DOCK4: variants seen among roughly 807,000 people sequenced by gnomAD.
DOCK4 encodes dedicator of cytokinesis protein 4.
DOCK4 carries 97 observed loss-of-function variants against 268.1 expected under a neutral mutation model. That is an observed-to-expected ratio of 0.36 (90% confidence interval 0.31 to 0.43). DOCK4 has a LOEUF of 0.43. DOCK4 is among the 20% of genes least tolerant of loss of function. The probability of loss-of-function intolerance (pLI) is 1.00; values close to 1 mark genes in which losing one functional copy is unlikely to be tolerated. For synonymous variants in DOCK4, 954 were observed against 887.2 expected (o/e 1.08, Z -1.34); for missense variants, 2,145 against 2,455.7 (o/e 0.87, Z 2.67).
intron 8 of DOCK4, among the ~76,000 whole-genome samples, chr7:111,973,368 A>T (rs1185305857): frequency 6.6e-6 from 1 of 151,956 alleles, no homozygotes; most frequent in African/African-American, 2.4e-5. Context: ...TAATAACACA[A>T]GCATTCACTT....
chr7:112,205,529 G>A lies in DOCK4; in HGVS notation c.37+573C>T, dbSNP rs1456218424. 3.3e-5 allele frequency among the ~76,000 whole-genome samples: 5 copies of A among 152,260 alleles called. 1 individual carries two copies. Among genetic ancestry groups the A allele is most frequent in the African/African-American group, 1.2e-4 (5 of 41,546 alleles). On this transcript the variant is annotated intron_variant, in intron 1 of 52. Coordinates refer to ENST00000428084, the MANE Select transcript of DOCK4 (RefSeq NM_001363540.2). Reference sequence around the variant, plus strand: ...AATCCGGGATCGCAGAGAGGGAGGAGGGTCAGAGAGGGCTCAGCTTGTCAG... The same window carrying A: ...AATCCGGGATCGCAGAGAGGGAGGAAGGTCAGAGAGGGCTCAGCTTGTCAG...
At chr7:112,051,441 C>G (rs888971723) in intron 1 of DOCK4, among the ~76,000 whole-genome samples, 3 of 151,986 alleles carry the variant, frequency 2.0e-5, no homozygotes, top group Non-Finnish European at 2.9e-5. Flanking sequence ...TACTAAATTA[C>G]AGATTACTTT....
At chr7:111,938,592 G>C (rs1794930349) in intron 11 of DOCK4, among the ~76,000 whole-genome samples, 1 of 152,032 alleles carries the variant, frequency 6.6e-6, no homozygotes, top group Non-Finnish European at 1.5e-5. Flanking sequence ...AAACCCATGT[G>C]CATTTAAAAA....
At chr7:111,728,797 G>A (rs1263679515) in intron 52 of DOCK4, 77 bp from the exon 53 acceptor site, 5 of 1,398,848 alleles carry the variant, frequency 3.6e-6, no homozygotes, top group Non-Finnish European at 4.8e-6. Context: ...TGTACGCCCC[G>A]ACGCGGAGGC....
chr7:111,900,921 C>G (rs1444992252), intron 14 of DOCK4, among the ~76,000 whole-genome samples: 3 of 152,190 alleles, frequency 2.0e-5, no homozygotes, highest in African/African-American at 7.2e-5. Flanking sequence ...CTGTATGTCT[C>G]TATGAAGAAG....
chr7:111,736,587 T>C (rs1020265612), intron 50 of DOCK4, among the ~76,000 whole-genome samples: 4 of 152,288 alleles, frequency 2.6e-5, no homozygotes, highest in Non-Finnish European at 5.9e-5. Context: ...GGTGAAGCTA[T>C]TTTCATTGTG....
chr7:112,095,193 T>G (rs1452625058), intron 1 of DOCK4, among the ~76,000 whole-genome samples: 1 of 152,140 alleles, frequency 6.6e-6, no homozygotes, highest in Non-Finnish European at 1.5e-5. Context: ...TTTATATGGA[T>G]TATGAGCAAG....
At chr7:111,933,857 A>C (rs1434261400) in intron 12 of DOCK4, among the ~76,000 whole-genome samples, 1 of 152,176 alleles carries the variant, frequency 6.6e-6, no homozygotes, top group African/African-American at 2.4e-5. Flanking sequence ...TATAGTCTGA[A>C]GCGTTGCCAC....
intron 42 of DOCK4, among the ~76,000 whole-genome samples, chr7:111,752,578 GTTTTTTTT>G (rs56037303): frequency 8.5e-5 from 7 of 82,216 alleles, no homozygotes; most frequent in African/African-American, 3.6e-4. Flanking sequence ...ATCAGCTTAG[GTTTTTTTT>G]TTTTTTTTTT....
intron 34 of DOCK4, 45 bp from the exon 35 acceptor site, chr7:111,782,969 G>C: frequency 6.6e-7 from 1 of 1,519,538 alleles, no homozygotes; most frequent in Non-Finnish European, 9.1e-7. Context: ...TTCCTTCCTA[G>C]GGGCAAACAC....
intron 44 of DOCK4, 130 bp from the exon 45 acceptor site, chr7:111,742,262 G>T: frequency 1.0e-6 from 1 of 989,820 alleles, no homozygotes; most frequent in Non-Finnish European, 1.4e-6. Flanking sequence ...GACAAGGTAG[G>T]AACAGCTGTC....
chr7:111,769,929 G>GT (rs1177499022), intron 36 of DOCK4, among the ~76,000 whole-genome samples: 1 of 151,888 alleles, frequency 6.6e-6, no homozygotes, highest in Non-Finnish European at 1.5e-5. Context: ...TTTGTCTTTT[G>GT]TTTTTGTCTT....
chr7:111,920,871 A>G (rs1793063152), intron 12 of DOCK4, among the ~76,000 whole-genome samples: 1 of 152,136 alleles, frequency 6.6e-6, no homozygotes, highest in African/African-American at 2.4e-5. Flanking sequence ...ATTACCACGG[A>G]AAGAATTGGA....
At chr7:111,787,901 C>G (rs1361407420) in intron 32 of DOCK4, among the ~76,000 whole-genome samples, 1 of 152,176 alleles carries the variant, frequency 6.6e-6, no homozygotes, top group Non-Finnish European at 1.5e-5. Context: ...TTGAAAATGA[C>G]TAAGATCCAT....
At position 111,863,537 on chromosome 7, in the gene DOCK4, C is replaced by G; in HGVS notation, c.2308G>C (p.Val770Leu). Residue 770 changes from valine to leucine, a missense_variant, in exon 23 of 53, where the codon GTG becomes CTG. This residue lies in a region of DOCK4 where 1,598 missense variants were observed against 1,986.7 expected (regional missense o/e 0.80). Coordinates refer to ENST00000428084, the MANE Select transcript of DOCK4 (RefSeq NM_001363540.2). ...QAVFLSSFPA[V>L]YSELLKLFDV... ...AAGAGCTTCAACAGTTCTGAGTACA[C>G]GGCAGGGAAAGAGCTCAGAAACACA... 1 of 1,609,394 alleles carries G rather than the reference C, an allele frequency of 6.2e-7. No individual in the cohort carries two copies. Among genetic ancestry groups the G allele is most frequent in the Non-Finnish European group, 8.5e-7 (1 of 1,176,864 alleles).
intron 8 of DOCK4, among the ~76,000 whole-genome samples, chr7:111,955,920 T>A (rs1409316328): frequency 6.6e-6 from 1 of 152,162 alleles, no homozygotes; most frequent in African/African-American, 2.4e-5. Context: ...GCCTGCTGTA[T>A]AACTAAACTG....
At chr7:112,131,163 A>G (rs1291618284) in intron 1 of DOCK4, among the ~76,000 whole-genome samples, 1 of 151,998 alleles carries the variant, frequency 6.6e-6, no homozygotes, top group Non-Finnish European at 1.5e-5. Flanking sequence ...ATAATCTAAA[A>G]CTCACAGCAT....
chr7:111,731,215 C>T (rs1795062071), intron 52 of DOCK4, among the ~76,000 whole-genome samples: 1 of 152,176 alleles, frequency 6.6e-6, no homozygotes, highest in South Asian at 2.1e-4. Context: ...TCTGGCAATG[C>T]AAGGGAATCA....
At chr7:111,782,342 C>T (rs767800973) in intron 35 of DOCK4, among the ~76,000 whole-genome samples, 3 of 152,030 alleles carry the variant, frequency 2.0e-5, no homozygotes, top group Non-Finnish European at 4.4e-5. Context: ...AACAAAAGTG[C>T]TATTATGAAT....
Sources: gnomAD v4.1 joint callset for allele counts (sites outside exome capture counted in the v4.1 genomes callset) on GRCh38, gnomAD v4.1.1 for gene constraint, gnomAD v4.1.1 regional missense constraint, MANE v1.5 for transcripts, NCBI Gene and HGNC (gene_info 2026-07-23, HGNC 2026-07-21) for gene names.